Variants in KIF2C observed in about 807,000 individuals in gnomAD.
KIF2C encodes the protein kinesin family member 2C, also known as kinesin-like protein KIF2C.
In KIF2C, 34 loss-of-function variants were observed where a neutral mutation model predicts 97.4. That is an observed-to-expected ratio of 0.35 (90% CI 0.27 to 0.46). KIF2C has a LOEUF of 0.46. KIF2C is among the 20% of genes least tolerant of loss of function. The probability of loss-of-function intolerance (pLI) is 1.00; values close to 1 mark genes in which losing one functional copy is unlikely to be tolerated. For missense variants in KIF2C, 750 were observed against 907.6 expected, an observed-to-expected ratio of 0.83 and a Z score of 2.23; for synonymous variants, 313 against 318.2, an observed-to-expected ratio of 0.98 and a Z score of 0.17.
rs201494235 is a variant in KIF2C at position 44,762,444 on chromosome 1, C to T, written c.1850C>T (p.Pro617Leu). ...MEACSNGALI[P>L]GNLSKEEEEL... ...GCCTGCTCTAACGGGGCGCTGATTC[C>T]AGGCAATGTAAGGACCAGGATGCGG... Residue 617 changes from proline to leucine, a missense_variant, in exon 18 of 21, where the codon CCA becomes CTA. Coordinates refer to ENST00000372224, the MANE Select transcript of KIF2C (RefSeq NM_006845.4). 17 of 1,614,070 alleles carry T rather than the reference C, an allele frequency of 1.1e-5. No individual in the cohort carries two copies. Among genetic ancestry groups the T allele is most frequent in the Admixed American group, 8.3e-5 (5 of 60,020 alleles).
Position 44,753,026 on chromosome 1 carries a change from C to A in KIF2C, c.440-106C>A. On this transcript the variant is annotated intron_variant, in intron 5 of 20. Transcript: ENST00000372224. ...AGCTCTGCACATACTGTAAGCCTTA[C>A]CGAGCAGGCAGGTCGCTCTCCCGGC... 2.9e-6 allele frequency: 4 copies of A among 1,368,788 alleles called. No individual in the cohort carries two copies. In the South Asian group the frequency reaches 5.4e-5, roughly 19 times the overall value. The allele number at this position is 1,368,788 out of a possible 1,614,324, so 84.8% of individuals were successfully genotyped here.
chr1:44,762,647 G>A lies in KIF2C; in HGVS notation c.1960G>A (p.Glu654Lys). The stretch of plus-strand genomic sequence containing the variant: ...GGAGAAGGCTATGGAAGAGCTCAAG[G>A]AGATCATACAGGTAGGCAGCTGGCC... ...LEEKAMEELK[E>K]IIQQGPDWLE... Residue 654 changes from glutamate (E) to lysine (K), a missense_variant, in exon 19 of 21, where the codon GAG becomes AAG. Transcript: ENST00000372224. The A allele has an allele frequency of 1.2e-6, 2 of 1,612,842 alleles. No individual in the cohort carries two copies. The highest frequency in any genetic ancestry group is 1.7e-6 in the Non-Finnish European group (2 of 1,178,914).
rs1218784188 is a variant in KIF2C, at chr1:44,763,114, TCA to T, written c.1971+457_1971+458del. On this transcript the variant is annotated intron_variant, in intron 19 of 20. Coordinates refer to ENST00000372224, the MANE Select transcript of KIF2C (RefSeq NM_006845.4). ...GAAATTCATTTAGCCTCACTGGGCCTCAGTTTTTGCATCTCTGAAATGGTCAA... is the reference window on the plus strand; with the variant it reads ...GAAATTCATTTAGCCTCACTGGGCCTGTTTTTGCATCTCTGAAATGGTCAA... Among the ~76,000 whole-genome samples the T allele has an allele frequency of 9.2e-5, 14 of 152,316 alleles. No individual in the cohort carries two copies. The East Asian group carries it at 1.9e-3, about 21-fold the overall frequency.
chr1:44,764,853 C>T (rs1191568170), intron 19 of KIF2C, among the ~76,000 whole-genome samples: 1 of 152,198 alleles, frequency 6.6e-6, no homozygotes, highest in African/African-American at 2.4e-5. Flanking sequence ...GGCGCAATGG[C>T]TCACGCCTGT....
intron 14 of KIF2C, 87 bp downstream of exon 14, chr1:44,759,435 A>C: frequency 6.5e-7 from 1 of 1,541,238 alleles, no homozygotes; most frequent in Non-Finnish European, 8.9e-7. Flanking sequence ...CTGTTTACCC[A>C]GAGTGCTGCT....
intron 19 of KIF2C, 24 bp downstream of exon 19, chr1:44,762,682 G>C (rs761300189): frequency 6.6e-7 from 1 of 1,516,882 alleles, no homozygotes; most frequent in South Asian, 1.1e-5. Context: ...CCTGGACAGG[G>C]AGCTGGATGC....
chr1:44,745,358 CTT>C (rs896545598), intron 2 of KIF2C, among the ~76,000 whole-genome samples: 5 of 134,960 alleles, frequency 3.7e-5, no homozygotes, highest in Non-Finnish European at 4.8e-5. Flanking sequence ...TTCTATCCTC[CTT>C]TTTTTTTTTT....
intron 13 of KIF2C, chr1:44,758,936 C>G: frequency 2.2e-6 from 1 of 452,718 alleles, no homozygotes; most frequent in Non-Finnish European, 4.1e-6. Context: ...CTACCTGTCT[C>G]ACCTTTACAG....
chr1:44,753,879 C>T, intron 7 of KIF2C, 46 bp downstream of exon 7: 1 of 1,194,998 alleles, frequency 8.4e-7, no homozygotes, highest in Non-Finnish European at 1.2e-6. Flanking sequence ...GACAGGTGTC[C>T]TTAACCGAAA....
intron 10 of KIF2C, 47 bp downstream of exon 10, chr1:44,756,284 CT>C (rs577081007): frequency 6.9e-6 from 11 of 1,586,784 alleles, no homozygotes; most frequent in South Asian, 2.2e-5. Context: ...CTTCCATCCC[CT>C]TTTTTTGTGG....
At chr1:44,764,175 C>G (rs943915753) in intron 19 of KIF2C, among the ~76,000 whole-genome samples, 1 of 152,036 alleles carries the variant, frequency 6.6e-6, no homozygotes, top group Non-Finnish European at 1.5e-5. Context: ...TGTACTCTCT[C>G]TCTATATATA....
intron 14 of KIF2C, 118 bp downstream of exon 14, chr1:44,759,466 T>C: frequency 8.1e-7 from 1 of 1,239,034 alleles, no homozygotes; most frequent in Non-Finnish European, 1.1e-6. Context: ...TGGTAAGGGC[T>C]GCGAAGGCCT....
intron 19 of KIF2C, among the ~76,000 whole-genome samples, chr1:44,766,333 C>A (rs1650462497): frequency 1.3e-5 from 2 of 152,044 alleles, no homozygotes; most frequent in South Asian, 4.2e-4. Flanking sequence ...GATAGGAGGC[C>A]GGAAGTGGTG....
chr1:44,753,153 G>C lies in KIF2C; in HGVS notation c.461G>C (p.Cys154Ser). ...ACAGCTGCCCCCACTAGGCCTTCCT[G>C]CCCTGCAGTGGCTGAAATACCATTG... ...SVPPAPTRPSCPAVAEIPLRM... is the reference protein window; with the variant it reads ...SVPPAPTRPSSPAVAEIPLRM... Residue 154 changes from cysteine (C) to serine (S), a missense_variant, in exon 6 of 21, where the codon TGC becomes TCC. Coordinates refer to ENST00000372224, the MANE Select transcript of KIF2C (RefSeq NM_006845.4). 6.2e-7 allele frequency: 1 copy of C among 1,613,498 alleles called. No homozygotes were observed. Among genetic ancestry groups the C allele is most frequent in the Non-Finnish European group, 8.5e-7 (1 of 1,179,732 alleles).
intron 10 of KIF2C, among the ~76,000 whole-genome samples, 176 bp from the exon 11 acceptor site, chr1:44,757,380 G>A (rs1649901125): frequency 6.6e-6 from 1 of 152,188 alleles, no homozygotes; most frequent in East Asian, 1.9e-4. Flanking sequence ...CAGTTTGCTA[G>A]GAGTATTTCA....
intron 2 of KIF2C, among the ~76,000 whole-genome samples, chr1:44,741,557 C>T (rs760799652): frequency 3.9e-5 from 6 of 151,982 alleles, no homozygotes; most frequent in Non-Finnish European, 8.8e-5. Flanking sequence ...TGGTGGCTCA[C>T]GCCTGTGGTT....
At position 44,760,923 on chromosome 1, in the gene KIF2C, G is replaced by T; in HGVS notation, c.1683+221G>T. The T allele has an allele frequency of 1.9e-6, 1 of 528,018 alleles. No individual in the cohort carries two copies. Among genetic ancestry groups the T allele is most frequent in the South Asian group, 2.1e-5 (1 of 46,688 alleles). The allele number at this position is 528,018 out of a possible 1,614,324, so 32.7% of individuals were successfully genotyped here. ...GATCTATTCCCTTTAAGATGTGTAG[G>T]TGCAGCTCTTGGTTTGGGAGAGGTC... On this transcript the variant is annotated intron_variant, in intron 16 of 20. Coordinates refer to ENST00000372224, the MANE Select transcript of KIF2C (RefSeq NM_006845.4). The surrounding 1 kb of genome is among the most constrained non-coding windows in gnomAD (Gnocchi z 4.2).
intron 2 of KIF2C, among the ~76,000 whole-genome samples, chr1:44,744,171 G>A (rs563081289): frequency 5.3e-5 from 8 of 151,716 alleles, no homozygotes; most frequent in Admixed American, 1.3e-4. Context: ...TCAGTGAGCC[G>A]ATTTCGGCTC....
At chr1:44,751,419 C>A (rs1003196023) in intron 5 of KIF2C, among the ~76,000 whole-genome samples, 1 of 151,952 alleles carries the variant, frequency 6.6e-6, no homozygotes, top group African/African-American at 2.4e-5. Context: ...TGGTCTTGAA[C>A]TCCTGGCCTC....
Sources: gnomAD v4.1 joint callset for allele counts (sites outside exome capture counted in the v4.1 genomes callset) on GRCh38, gnomAD v4.1.1 for gene constraint, Gnocchi (gnomAD v3.1) non-coding constraint, MANE v1.5 for transcripts, NCBI Gene and HGNC (gene_info 2026-07-23, HGNC 2026-07-21) for gene names.